Variants in SNRPC observed in about 807,000 individuals in gnomAD.
SNRPC encodes small nuclear ribonucleoprotein polypeptide C, also known as U1 small nuclear ribonucleoprotein C.
A neutral mutation model predicts 20.0 loss-of-function variants in SNRPC; 5 were observed. The ratio of observed to expected loss-of-function variants is 0.25; its 90% CI spans 0.13 to 0.53. SNRPC has a LOEUF of 0.53. Ranked by LOEUF, SNRPC falls within the 20% of genes least tolerant of loss-of-function variation. The pLI, the probability that SNRPC is intolerant of heterozygous loss-of-function variation, is 0.96. For synonymous variants in SNRPC, 61 were observed against 58.7 expected, an observed-to-expected ratio of 1.04 and a Z score of -0.18; for missense variants, 112 against 224.1, an observed-to-expected ratio of 0.50 and a Z score of 3.19.
chr6:34,761,453 G>A (rs2127405877), intron 2 of SNRPC, among the ~76,000 whole-genome samples: 1 of 146,426 alleles, frequency 6.8e-6, no homozygotes, highest in African/African-American at 2.5e-5. Flanking sequence ...TCATGATTTT[G>A]TTATTAGGCT....
chr6:34,768,633 T>C (rs1764645488), intron 4 of SNRPC, among the ~76,000 whole-genome samples: 1 of 151,472 alleles, frequency 6.6e-6, no homozygotes, highest in South Asian at 2.1e-4. Context: ...ACGTCTGTAG[T>C]CCCAGCTACT....
chr6:34,759,811 T>C (rs1764509726), intron 2 of SNRPC, among the ~76,000 whole-genome samples: 1 of 152,234 alleles, frequency 6.6e-6, no homozygotes. Flanking sequence ...CTTAGATGTC[T>C]GTCTGTGAAC....
At chr6:34,759,325 C>A (rs1581588481) in intron 2 of SNRPC, among the ~76,000 whole-genome samples, 1 of 152,048 alleles carries the variant, frequency 6.6e-6, no homozygotes. Flanking sequence ...GATATGGTGG[C>A]TCATGTCTGT....
intron 5 of SNRPC, among the ~76,000 whole-genome samples, chr6:34,771,884 A>G (rs932636035): frequency 4.6e-5 from 7 of 152,200 alleles, no homozygotes; most frequent in African/African-American, 1.7e-4. Context: ...CAGGCTCACA[A>G]ATTCAAATTC....
At chr6:34,764,829 C>T (rs529421704) in intron 3 of SNRPC, among the ~76,000 whole-genome samples, 1 of 152,000 alleles carries the variant, frequency 6.6e-6, no homozygotes, top group Non-Finnish European at 1.5e-5. Context: ...TGAGACCAGC[C>T]TGACCAACAT....
intron 2 of SNRPC, among the ~76,000 whole-genome samples, chr6:34,759,041 A>AAAG (rs1764498073): frequency 2.7e-5 from 4 of 145,872 alleles, no homozygotes; most frequent in East Asian, 4.5e-4. Context: ...AAAAAAAAAA[A>AAAG]AAAAGAAAAG....
At chr6:34,760,847 C>A (rs1268301923) in intron 2 of SNRPC, among the ~76,000 whole-genome samples, 1 of 151,752 alleles carries the variant, frequency 6.6e-6, no homozygotes, top group Non-Finnish European at 1.5e-5. Flanking sequence ...GAGTTAAAAC[C>A]AGCCTGGCCA....
chr6:34,764,526 G>C (rs1764588960), intron 3 of SNRPC, among the ~76,000 whole-genome samples: 1 of 151,926 alleles, frequency 6.6e-6, no homozygotes, highest in Non-Finnish European at 1.5e-5. Flanking sequence ...AGACGGGCAT[G>C]GTGGTGCGTG....
intron 3 of SNRPC, among the ~76,000 whole-genome samples, chr6:34,765,414 T>C (rs1764599478): frequency 6.6e-6 from 1 of 150,698 alleles, no homozygotes; most frequent in African/African-American, 2.4e-5. Context: ...AAATTTATCT[T>C]ATATATTTAT....
chr6:34,757,661 C>A, intron 1 of SNRPC, 110 bp downstream of exon 1: 1 of 1,392,852 alleles, frequency 7.2e-7, no homozygotes, highest in Non-Finnish European at 1.0e-6. Flanking sequence ...GGGAGAGTAT[C>A]TGGGCCGGGT....
Position 34,773,651 on chromosome 6 carries a change from G to C in SNRPC, c.*81G>C. The C allele has an allele frequency of 7.4e-7, 1 of 1,348,494 alleles. No individual in the cohort carries two copies. Among genetic ancestry groups the C allele is most frequent in the Non-Finnish European group, 1.0e-6 (1 of 961,502 alleles). The allele number at this position is 1,348,494 out of a possible 1,614,324, so 83.5% of individuals were successfully genotyped here. ...GGAGATCATGCTGCTGTGATACTGA[G>C]TTTTCTAAACAGCATAAGGAAGACT... is the stretch of plus-strand genomic sequence containing the variant. On this transcript the variant is annotated 3_prime_UTR_variant, in exon 6 of 6. Coordinates refer to ENST00000244520, the MANE Select transcript of SNRPC (RefSeq NM_003093.3). This position sits in a 1 kb window ranked among gnomAD's most constrained non-coding sequence, Gnocchi z 4.1.
intron 2 of SNRPC, 75 bp downstream of exon 2, chr6:34,758,029 G>T: frequency 6.7e-7 from 1 of 1,499,626 alleles, no homozygotes; most frequent in Non-Finnish European, 9.0e-7. Context: ...TTTTTTTTAA[G>T]TTGCAAGTTG....
chr6:34,767,352 G>A (rs762029879), intron 3 of SNRPC, among the ~76,000 whole-genome samples: 2 of 152,244 alleles, frequency 1.3e-5, no homozygotes, highest in Non-Finnish European at 2.9e-5. Context: ...CAGGCATGGC[G>A]GCTCACGCCT....
intron 2 of SNRPC, among the ~76,000 whole-genome samples, chr6:34,758,913 G>T (rs1019618196): frequency 6.1e-4 from 92 of 151,544 alleles, no homozygotes; most frequent in African/African-American, 2.1e-3. Flanking sequence ...CCAGCTACTC[G>T]GGAGGCTGAG....
Position 34,762,597 on chromosome 6 carries a change from A to G in SNRPC, c.54A>G (p.Pro18=), listed in dbSNP as rs747420327. The part of the protein sequence containing the change: ...YCDTYLTHDS[P]SVRKTHCSGR... Reference sequence around the variant, plus strand: ...GATATGATCTTTTTATTTTACAGCCATCTGTGAGAAAGACACACTGCAGTG... The same window carrying G: ...GATATGATCTTTTTATTTTACAGCCGTCTGTGAGAAAGACACACTGCAGTG... The change falls in exon 3 of 6, where the codon CCA becomes CCG. Residue 18 remains proline (P), a splice_region_variant and synonymous_variant. Transcript: ENST00000244520. The G allele has an allele frequency of 6.6e-7, 1 of 1,519,662 alleles. No homozygotes were observed. The allele number at this position is 1,519,662 out of a possible 1,614,324, so 94.1% of individuals were successfully genotyped here.
chr6:34,768,032 G>A (rs771938188), intron 4 of SNRPC, 35 bp downstream of exon 4: 34 of 1,582,582 alleles, frequency 2.1e-5, no homozygotes, highest in Middle Eastern at 3.4e-4. Flanking sequence ...GGGGTGTGAC[G>A]GGGCAGGCTA....
intron 4 of SNRPC, among the ~76,000 whole-genome samples, chr6:34,768,549 C>T (rs541711639): frequency 5.3e-5 from 8 of 151,944 alleles, no homozygotes; most frequent in East Asian, 1.9e-4. Flanking sequence ...GTCAGGAGTT[C>T]GAGACCAGCC....
At chr6:34,768,112 T>C (rs1195012133) in intron 4 of SNRPC, 115 bp downstream of exon 4, 1 of 668,842 alleles carries the variant, frequency 1.5e-6, no homozygotes, top group African/African-American at 1.9e-5. Flanking sequence ...TAGATAGTAA[T>C]ATAAATGTAT....
intron 2 of SNRPC, among the ~76,000 whole-genome samples, chr6:34,759,136 A>G (rs1764500354): frequency 6.6e-6 from 1 of 151,990 alleles, no homozygotes; most frequent in Non-Finnish European, 1.5e-5. Context: ...GGCAAATAAT[A>G]TTTTCCAAAA....
Sources: allele counts gnomAD v4.1 joint callset (sites outside exome capture counted in the v4.1 genomes callset), GRCh38; gene constraint gnomAD v4.1.1; non-coding constraint Gnocchi (gnomAD v3.1); transcripts MANE v1.5; gene names NCBI Gene and HGNC (gene_info 2026-07-23, HGNC 2026-07-21).